The following KRT72 variants were observed in gnomAD, a reference collection of about 807,000 sequenced individuals.
The protein encoded by KRT72 is keratin 72.
In KRT72, 44 loss-of-function variants were observed where a neutral mutation model predicts 44.7. That is an observed-to-expected ratio of 0.98 (90% CI 0.77 to 1.27). The LOEUF (loss-of-function observed/expected upper bound fraction) is 1.27, where lower values mean the gene tolerates loss of function less well. Among genes scored for constraint, KRT72 ranks in the 50% most tolerant of loss-of-function variants. KRT72 has a pLI of 0.00. For synonymous variants in KRT72, 302 were observed against 280.4 expected (o/e 1.08, Z -0.77); for missense variants, 736 against 667.1 (o/e 1.10, Z -1.14).
Position 52,598,906 on chromosome 12 carries a change from G to A in KRT72, c.633C>T (p.Tyr211=), listed in dbSNP as rs1466158071. 6.2e-7 allele frequency: 1 copy of A among 1,613,956 alleles called. No individual in the cohort carries two copies. Among genetic ancestry groups the A allele is most frequent in the Non-Finnish European group, 8.5e-7 (1 of 1,179,868 alleles). The change falls in exon 2 of 9, where the codon TAC becomes TAT. Residue 211 remains tyrosine, a synonymous_variant. Transcript: ENST00000293745. ...CCCTGCCACTCACTCACCTCTTCTT[G>A]TAGTCCTCCACCAAATCCTGCATGT... ...LRNMQDLVED[Y]KKRYEVEINR...
In KRT72 at chr12:52,587,519, C is replaced by G. The variant is rs185073990; in HGVS notation, c.1310+112G>C. 194 of 1,127,316 alleles carry G rather than the reference C, an allele frequency of 1.7e-4. No individual in the cohort carries two copies. The African/African-American group carries it at 2.4e-3, about 14-fold the overall frequency. The allele number at this position is 1,127,316 out of a possible 1,614,324, so 69.8% of individuals were successfully genotyped here. On this transcript the variant is annotated intron_variant, in intron 7 of 8. Coordinates refer to ENST00000293745, the MANE Select transcript of KRT72 (RefSeq NM_080747.3). The stretch of plus-strand genomic sequence containing the variant: ...CCTAATCATGTGACAAGCCCATTTG[C>G]TGTATGGTTTTACTTCAGTAGGACC...
rs1435907909 is a variant in KRT72, at chr12:52,591,195, G to A, written c.964-234C>T. Among the ~76,000 whole-genome samples the A allele has an allele frequency of 2.0e-5, 3 of 152,198 alleles. No homozygotes were observed. The East Asian group carries it at 5.8e-4, about 29-fold the overall frequency. On this transcript the variant is annotated intron_variant, in intron 5 of 8. Transcript: ENST00000293745. ...GAAACTGTGTCAGAATCCTATCAGG[G>A]TTGTAGCTGGTGTGGCCTCAGCCAA...
chr12:52,591,429 G>A lies in KRT72; in HGVS notation c.963+35C>T, dbSNP rs773168116. 3.7e-6 allele frequency: 6 copies of A among 1,602,034 alleles called. No homozygotes were observed. In the Admixed American group the frequency reaches 1.0e-4, roughly 27 times the overall value. On this transcript the variant is annotated intron_variant, in intron 5 of 8. Coordinates refer to ENST00000293745, the MANE Select transcript of KRT72 (RefSeq NM_080747.3). The stretch of plus-strand genomic sequence containing the variant: ...ACATACTGAGAGGGTGCTAGCTGTG[G>A]CCAGTGGGACTCAGCACACCTGGCA...
At chr12:52,592,841 G>C in intron 3 of KRT72, 51 bp downstream of exon 3, 1 of 1,514,110 alleles carries the variant, frequency 6.6e-7, no homozygotes, top group East Asian at 2.3e-5. Context: ...GCATCATTGT[G>C]CCAGGTGGTC....
intron 3 of KRT72, 53 bp downstream of exon 3, chr12:52,592,839 G>T: frequency 1.3e-6 from 2 of 1,504,158 alleles, no homozygotes; most frequent in Non-Finnish European, 1.8e-6. Context: ...AAGCATCATT[G>T]TGCCAGGTGG....
At chr12:52,597,023 T>G (rs921211948) in intron 2 of KRT72, among the ~76,000 whole-genome samples, 9 of 152,164 alleles carry the variant, frequency 5.9e-5, no homozygotes, top group African/African-American at 2.2e-4. Flanking sequence ...ATTCATTGGC[T>G]TTTTAGATGA....
chr12:52,587,603 C>A, intron 7 of KRT72, 28 bp downstream of exon 7: 2 of 1,612,110 alleles, frequency 1.2e-6, no homozygotes, highest in East Asian at 4.5e-5. Context: ...GAAAACTGGT[C>A]CCGACACAAG....
Position 52,592,752 on chromosome 12 carries a change from G to A in KRT72, c.702+140C>T, listed in dbSNP as rs1037563108. On this transcript the variant is annotated intron_variant, in intron 3 of 8. Coordinates refer to ENST00000293745, the MANE Select transcript of KRT72 (RefSeq NM_080747.3). ...ATCCCAGGCAAGGGACTTGGAGGGA[G>A]GGGCTGGGAAGTTAGAGTGCCAGTC... is the stretch of plus-strand genomic sequence containing the variant. The A allele has an allele frequency of 8.2e-5, 60 of 728,168 alleles. 1 individual carries two copies. The highest frequency in any genetic ancestry group is 1.3e-4 in the Non-Finnish European group (57 of 430,124). 45.1% of individuals were successfully genotyped at this position (728,168 alleles called of 1,614,324 possible). A position where few individuals can be genotyped will look rare whatever the true frequency, so the allele number is the denominator to read the frequency against.
At chr12:52,591,344 T>C (rs1476839990) in intron 5 of KRT72, 120 bp downstream of exon 5, 1 of 1,097,004 alleles carries the variant, frequency 9.1e-7, no homozygotes. Flanking sequence ...AAAGGAGGTC[T>C]TGACTGAGCC....
At chr12:52,590,653 C>T (rs905164095) in intron 6 of KRT72, among the ~76,000 whole-genome samples, 183 bp downstream of exon 6, 2 of 152,224 alleles carry the variant, frequency 1.3e-5, no homozygotes, top group African/African-American at 4.8e-5. Flanking sequence ...CTCTGGGCTC[C>T]TGTAACACTT....
chr12:52,596,955 T>C (rs1213332950), intron 2 of KRT72, among the ~76,000 whole-genome samples: 2 of 152,032 alleles, frequency 1.3e-5, no homozygotes, highest in South Asian at 2.1e-4. Flanking sequence ...GGGATGAAAA[T>C]TGGAGTCCAA....
chr12:52,588,556 T>C (rs888949570), intron 6 of KRT72, among the ~76,000 whole-genome samples: 4 of 152,194 alleles, frequency 2.6e-5, no homozygotes, highest in Admixed American at 6.5e-5. Flanking sequence ...AGCTAATGCA[T>C]GCTGTGCTCA....
chr12:52,591,080 C>T, intron 5 of KRT72, 119 bp from the exon 6 acceptor site: 2 of 1,005,000 alleles, frequency 2.0e-6, no homozygotes, highest in Non-Finnish European at 2.8e-6. Context: ...GGTTCTCAAA[C>T]ATGAGAGCCT....
chr12:52,601,121 T>C lies in KRT72; in HGVS notation c.332A>G (p.Asn111Ser), dbSNP rs1235837135. The C allele has an allele frequency of 1.9e-6, 3 of 1,613,348 alleles. No individual in the cohort carries two copies. Among genetic ancestry groups the C allele is most frequent in the Non-Finnish European group, 8.5e-7 (1 of 1,179,726 alleles). The change falls in exon 1 of 9, where the codon AAC becomes AGC. Residue 111 changes from asparagine to serine, a missense_variant. Coordinates refer to ENST00000293745, the MANE Select transcript of KRT72 (RefSeq NM_080747.3). ...TVNKSLLAPL[N>S]VEMDPEIQRV... is the part of the protein sequence containing the mutation. ...CTGGATCTCGGGGTCCATCTCCACG[T>C]TGAGCGGGGCCAGGAGGCTCTTGTT...
Position 52,585,865 on chromosome 12 carries a change from T to C in KRT72, c.*117A>G. ...AGGACAACAGGGAGAGGAAATGGGG[T>C]TGGGACTGTAGTGACAGACAAAGCA... On this transcript the variant is annotated 3_prime_UTR_variant, in exon 9 of 9. Coordinates refer to ENST00000293745, the MANE Select transcript of KRT72 (RefSeq NM_080747.3). The C allele has an allele frequency of 1.1e-6, 1 of 920,776 alleles. No homozygotes were observed. Among genetic ancestry groups the C allele is most frequent in the Non-Finnish European group, 1.7e-6 (1 of 589,818 alleles). The allele number at this position is 920,776 out of a possible 1,614,324, so 57.0% of individuals were successfully genotyped here.
chr12:52,600,594 C>T (rs756230652), intron 1 of KRT72, among the ~76,000 whole-genome samples: 7 of 152,136 alleles, frequency 4.6e-5, no homozygotes, highest in South Asian at 2.1e-4. Context: ...AGATCTGATG[C>T]GTTTATCAGG....
intron 2 of KRT72, among the ~76,000 whole-genome samples, chr12:52,596,964 A>G (rs540912346): frequency 6.6e-6 from 1 of 152,332 alleles, no homozygotes; most frequent in East Asian, 1.9e-4. Flanking sequence ...ATTGGAGTCC[A>G]AACAGGAAAA....
At chr12:52,594,683 C>T (rs1411770912) in intron 2 of KRT72, among the ~76,000 whole-genome samples, 1 of 152,094 alleles carries the variant, frequency 6.6e-6, no homozygotes, top group Non-Finnish European at 1.5e-5. Flanking sequence ...CAAACCAACA[C>T]AGCACATGTA....
intron 1 of KRT72, chr12:52,599,397 A>G: frequency 1.9e-6 from 1 of 516,236 alleles, no homozygotes; most frequent in Admixed American, 2.3e-5. Context: ...CATGCTATAA[A>G]TGCTGGTGTT....
Sources: allele counts gnomAD v4.1 joint callset (sites outside exome capture counted in the v4.1 genomes callset), GRCh38; gene constraint gnomAD v4.1.1; transcripts MANE v1.5; gene names NCBI Gene and HGNC (gene_info 2026-07-23, HGNC 2026-07-21).